CDC14A: variants seen among roughly 807,000 people sequenced by gnomAD.
CDC14A encodes the protein cell division cycle 14A, also known as dual specificity protein phosphatase CDC14A.
A neutral mutation model predicts 74.4 loss-of-function variants in CDC14A; 53 were observed. The observed-to-expected ratio is 0.71, with a 90% CI of 0.57 to 0.89. The LOEUF is 0.89. Among genes scored for constraint, CDC14A ranks in the 40% least tolerant of loss-of-function variants. The pLI, the probability that CDC14A is intolerant of heterozygous loss-of-function variation, is 0.00. For synonymous variants in CDC14A, 247 were observed against 258.4 expected, an observed-to-expected ratio of 0.96 and a Z score of 0.43; for missense variants, 646 against 713.7, an observed-to-expected ratio of 0.91 and a Z score of 1.08.
chr1:100,352,385 C>G (rs1570928968), upstream of CDC14A: 1 of 832,206 alleles, frequency 1.2e-6, no homozygotes, highest in African/African-American at 2.0e-5. Context: ...AAGGGATGGC[C>G]GCGGAGTCGT....
At chr1:100,512,234 C>G (rs1442415626) in intron 15 of CDC14A, among the ~76,000 whole-genome samples, 1 of 152,118 alleles carries the variant, frequency 6.6e-6, no homozygotes, top group African/African-American at 2.4e-5. Context: ...TCTCTCTCCT[C>G]TGCTTTCCTT....
upstream of CDC14A, among the ~76,000 whole-genome samples, chr1:100,351,502 A>T (rs536041054): frequency 1.8e-4 from 27 of 152,336 alleles, no homozygotes; most frequent in Non-Finnish European, 3.5e-4. Context: ...CCTCGCAGAG[A>T]CAAGTCAATG....
intron 15 of CDC14A, among the ~76,000 whole-genome samples, chr1:100,502,395 C>G (rs1340658744): frequency 6.6e-6 from 1 of 152,138 alleles, no homozygotes; most frequent in East Asian, 1.9e-4. Flanking sequence ...GTTATAGTTG[C>G]CTGCAATATT....
intron 10 of CDC14A, among the ~76,000 whole-genome samples, chr1:100,482,848 T>G (rs2101351229): frequency 6.6e-6 from 1 of 152,210 alleles, no homozygotes; most frequent in African/African-American, 2.4e-5. Context: ...TTTTTTATAC[T>G]TTAAGTTCTA....
Position 100,462,754 on chromosome 1 carries a change from C to T in CDC14A, c.711C>T (p.Phe237=), listed in dbSNP as rs199576305. 14 of 1,614,120 alleles carry T rather than the reference C, an allele frequency of 8.7e-6. No homozygotes were observed. The East Asian group carries it at 2.9e-4, about 33-fold the overall frequency. The stretch of plus-strand genomic sequence containing the variant: ...AAAAGATTTATGAGGCAAAGCGCTT[C>T]ACAGACGCTGGCTTCGAGCACTATG... ...LNKKIYEAKR[F]TDAGFEHYDL... Residue 237 remains phenylalanine, a synonymous_variant, in exon 9 of 16, where the codon TTC becomes TTT. Coordinates refer to ENST00000336454, the MANE Select transcript of CDC14A (RefSeq NM_003672.4).
chr1:100,467,974 G>C lies in CDC14A; in HGVS notation c.857G>C (p.Gly286Ala), dbSNP rs1557792817. Residue 286 changes from glycine to alanine, a missense_variant, in exon 10 of 16, where the codon GGG becomes GCG. Coordinates refer to ENST00000336454, the MANE Select transcript of CDC14A (RefSeq NM_003672.4). Reference sequence around the variant, plus strand: ...CTTACAGCTGGTCTTGGAAGAACAGGGACATTGATAGCCTGTTATGTAATG... The same window carrying C: ...CTTACAGCTGGTCTTGGAAGAACAGCGACATTGATAGCCTGTTATGTAATG... The part of the protein sequence containing the change: ...VHCKAGLGRT[G>A]TLIACYVMKH... The C allele has an allele frequency of 1.3e-6, 2 of 1,599,308 alleles. No homozygotes were observed. The highest frequency in any genetic ancestry group is 1.7e-6 in the Non-Finnish European group (2 of 1,175,158).
intron 4 of CDC14A, among the ~76,000 whole-genome samples, chr1:100,415,484 G>C (rs916502921): frequency 6.6e-6 from 1 of 152,144 alleles, no homozygotes; most frequent in Non-Finnish European, 1.5e-5. Flanking sequence ...CTGATGTCAG[G>C]TTCTGCTTAA....
At chr1:100,369,536 G>T (rs1654139504) in intron 2 of CDC14A, among the ~76,000 whole-genome samples, 1 of 152,162 alleles carries the variant, frequency 6.6e-6, no homozygotes, top group Admixed American at 6.5e-5. Flanking sequence ...CTTCTTTTGA[G>T]AAGTGTCTGT....
chr1:100,441,317 G>A lies in CDC14A; in HGVS notation c.456+1319G>A, dbSNP rs113575013. Among the ~76,000 whole-genome samples, 392 of 152,296 alleles carry A rather than the reference G, an allele frequency of 2.6e-3. 1 individual carries two copies. Among genetic ancestry groups the A allele is most frequent in the African/African-American group, 9.0e-3 (376 of 41,564 alleles). On this transcript the variant is annotated intron_variant, in intron 6 of 15. Transcript: ENST00000336454. ...TTTGGAGGATCTGATAGATTGTGCA[G>A]CATGTCTTTAAGCACCTGAGACATT...
intron 9 of CDC14A, 34 bp from the exon 10 acceptor site, chr1:100,467,922 T>A (rs1380422875): frequency 6.5e-7 from 1 of 1,545,754 alleles, no homozygotes; most frequent in Non-Finnish European, 8.7e-7. Context: ...TTTGCTAGAC[T>A]TTATATTTCT....
Position 100,519,282 on chromosome 1 carries a change from A to G in CDC14A, c.*1002A>G, listed in dbSNP as rs1650498302. 1.3e-5 allele frequency: 2 copies of G among 152,118 alleles called. No individual in the cohort carries two copies. The highest frequency in any genetic ancestry group is 1.3e-4 in the Admixed American group (2 of 15,266). The allele number at this position is 152,118 out of a possible 1,614,324, so 9.4% of individuals were successfully genotyped here. On this transcript the variant is annotated 3_prime_UTR_variant, in exon 16 of 16. Transcript: ENST00000336454. ...GCTGCTAAGTAGTTCTCTGTATTAAAGGAGATATTTTTAAAACAGGGTACA... is the reference window on the plus strand; with the variant it reads ...GCTGCTAAGTAGTTCTCTGTATTAAGGGAGATATTTTTAAAACAGGGTACA...
At chr1:100,453,831 G>A (rs1027135365) in intron 7 of CDC14A, among the ~76,000 whole-genome samples, 5 of 152,102 alleles carry the variant, frequency 3.3e-5, no homozygotes, top group Non-Finnish European at 7.4e-5. Context: ...TAGTAGAGAC[G>A]GGGTTTCACC....
intron 15 of CDC14A, chr1:100,505,082 T>C: frequency 1.3e-6 from 1 of 764,992 alleles, no homozygotes; most frequent in Non-Finnish European, 2.0e-6. Context: ...TTTCAAAAAG[T>C]TCTTTTATAG....
intron 3 of CDC14A, among the ~76,000 whole-genome samples, chr1:100,379,104 A>G (rs1655734943): frequency 6.6e-6 from 1 of 152,188 alleles, no homozygotes; most frequent in African/African-American, 2.4e-5. Flanking sequence ...CTGGGAACCG[A>G]GTACTATCTA....
upstream of CDC14A, among the ~76,000 whole-genome samples, chr1:100,350,663 A>T (rs1157747165): frequency 6.6e-6 from 1 of 152,232 alleles, no homozygotes; most frequent in African/African-American, 2.4e-5. Context: ...TGTGCAATTA[A>T]AAGTTTATGA....
In CDC14A at chr1:100,508,526, G is replaced by A. The variant is rs190397847; in HGVS notation, c.1755+9264G>A. 3.5e-3 allele frequency among the ~76,000 whole-genome samples: 528 copies of A among 152,006 alleles called. 5 individuals are homozygous for A. The highest frequency in any genetic ancestry group is 0.012 in the African/African-American group (510 of 41,452). The stretch of plus-strand genomic sequence containing the variant: ...TTTCTCTCTCTGTTTTTCCCTCCTC[G>A]TCTGCTGGCCTTCTTGTTGGCTCTG... On this transcript the variant is annotated intron_variant, in intron 15 of 15. Coordinates refer to ENST00000336454, the MANE Select transcript of CDC14A (RefSeq NM_003672.4). This position sits in a 1 kb window ranked among gnomAD's most constrained non-coding sequence, Gnocchi z 4.4.
intron 10 of CDC14A, among the ~76,000 whole-genome samples, chr1:100,472,678 A>G (rs181542786): frequency 3.2e-4 from 49 of 151,872 alleles, no homozygotes; most frequent in Admixed American, 2.9e-3. Context: ...TTTTTTCTAA[A>G]AAGTTTATAG....
At position 100,499,200 on chromosome 1, in the gene CDC14A, C is replaced by T. The variant is rs2101443538; in HGVS notation, c.1693C>T (p.Leu565Phe). 1 of 1,614,138 alleles carries T rather than the reference C, an allele frequency of 6.2e-7. No homozygotes were observed. Among genetic ancestry groups the T allele is most frequent in the Non-Finnish European group, 8.5e-7 (1 of 1,180,008 alleles). Residue 565 changes from leucine (L) to phenylalanine (F), a missense_variant, in exon 15 of 16, where the codon CTC (leucine) becomes TTC (phenylalanine). Physicochemically the swap from Leu to Phe is conservative, Grantham distance 22 (BLOSUM62 0). Coordinates refer to ENST00000336454, the MANE Select transcript of CDC14A (RefSeq NM_003672.4). ...CAAGACAGAGGAGCACACCACCATC[C>T]TCCGACCCTCCTACACCGGGCTTTC... ...SAKTEEHTTI[L>F]RPSYTGLSSS...
chr1:100,431,766 C>G (rs918802833), intron 5 of CDC14A, among the ~76,000 whole-genome samples: 2 of 151,500 alleles, frequency 1.3e-5, no homozygotes, highest in African/African-American at 4.9e-5. Context: ...GGGAGGATTG[C>G]TTGAGCCCAG....
Sources: allele counts gnomAD v4.1 joint callset (sites outside exome capture counted in the v4.1 genomes callset), GRCh38; gene constraint gnomAD v4.1.1; non-coding constraint Gnocchi (gnomAD v3.1); transcripts MANE v1.5; gene names NCBI Gene and HGNC (gene_info 2026-07-23, HGNC 2026-07-21).